PLS3: variants seen among roughly 807,000 people sequenced by gnomAD.
PLS3 encodes the protein plastin 3, also known as plastin-3.
Under a neutral mutation model 46.5 loss-of-function variants are expected in PLS3, and 11 were observed. The ratio of observed to expected loss-of-function variants is 0.24; its 90% CI spans 0.15 to 0.39. PLS3 has a LOEUF of 0.39. Among genes scored for constraint, PLS3 ranks in the 10% least tolerant of loss-of-function variants. The pLI, the probability that PLS3 is intolerant of heterozygous loss-of-function variation, is 1.00. For missense variants in PLS3, 308 were observed against 461.8 expected, an observed-to-expected ratio of 0.67 and a Z score of 3.05; for synonymous variants, 167 against 162.2, an observed-to-expected ratio of 1.03 and a Z score of -0.22.
chrX:115,603,308 G>C (rs1222687918), intron 1 of PLS3, among the ~76,000 whole-genome samples: 1 of 110,905 alleles, frequency 9.0e-6, no homozygotes, highest in Non-Finnish European at 1.9e-5. Context: ...GGTTTTGTTT[G>C]CTTTTGTTTT....
chrX:115,561,880 C>G (rs1433779658), intron 1 of PLS3, among the ~76,000 whole-genome samples: 3 of 111,587 alleles, frequency 2.7e-5, no homozygotes, highest in African/African-American at 9.8e-5. Context: ...CTCCCTTGTC[C>G]TTAGCGAGGG....
intron 1 of PLS3, among the ~76,000 whole-genome samples, chrX:115,594,205 C>T (rs2074365880): frequency 9.0e-6 from 1 of 111,570 alleles, no homozygotes; most frequent in Non-Finnish European, 1.9e-5. Flanking sequence ...ATTTTGATGG[C>T]GTTATTGGTA....
chrX:115,640,992 C>T (rs2074889115), intron 9 of PLS3, among the ~76,000 whole-genome samples: 1 of 110,846 alleles, frequency 9.0e-6, no homozygotes, highest in Non-Finnish European at 1.9e-5. Context: ...GGTTATGTCA[C>T]TAATTTGTTT....
chrX:115,631,214 C>T (rs1556639376), intron 5 of PLS3, among the ~76,000 whole-genome samples: 2 of 101,454 alleles, frequency 2.0e-5, no homozygotes, highest in African/African-American at 8.0e-5. Flanking sequence ...CACCACCACA[C>T]CCGGCTAAAT....
chrX:115,630,866 C>A (rs1404240985), intron 5 of PLS3, among the ~76,000 whole-genome samples: 1 of 89,509 alleles, frequency 1.1e-5, no homozygotes, highest in African/African-American at 4.2e-5. Context: ...GTATATTATA[C>A]ATGTATATAT....
chrX:115,585,992 ATT>A (rs782430699), intron 1 of PLS3, among the ~76,000 whole-genome samples: 1 of 103,207 alleles, frequency 9.7e-6, no homozygotes. Flanking sequence ...GAAAAATCTA[ATT>A]TTTTTTTTTT....
intron 1 of PLS3, among the ~76,000 whole-genome samples, chrX:115,603,731 C>T (rs144485825): frequency 0.016 from 1,756 of 110,703 alleles, 33 homozygotes; most frequent in African/African-American, 0.054. Flanking sequence ...GCTGAGATTG[C>T]ACCACTGCCT....
At chrX:115,574,688 T>G (rs1556630999) in intron 1 of PLS3, among the ~76,000 whole-genome samples, 1 of 111,007 alleles carries the variant, frequency 9.0e-6, no homozygotes, top group Non-Finnish European at 1.9e-5. Context: ...CAAGCGATTC[T>G]CCTGCCTCAG....
intron 8 of PLS3, 52 bp from the exon 9 acceptor site, chrX:115,640,356 T>C (rs2074882536): frequency 1.2e-6 from 1 of 808,273 alleles, no homozygotes; most frequent in Admixed American, 2.2e-5. Flanking sequence ...GACAATAGGA[T>C]ACATTCATTC....
chrX:115,605,931 A>G (rs1017012803), intron 1 of PLS3, among the ~76,000 whole-genome samples: 1 of 110,186 alleles, frequency 9.1e-6, no homozygotes, highest in Non-Finnish European at 1.9e-5. Context: ...TTTGCTTCGC[A>G]GATTGTAAAT....
intron 1 of PLS3, among the ~76,000 whole-genome samples, chrX:115,574,874 C>T (rs1393949708): frequency 3.6e-5 from 4 of 112,195 alleles, no homozygotes; most frequent in Non-Finnish European, 5.6e-5. Context: ...CCACCGCGCC[C>T]GGCCCCATAC....
At chrX:115,624,116 C>G (rs1325771094) in intron 3 of PLS3, among the ~76,000 whole-genome samples, 3 of 107,988 alleles carry the variant, frequency 2.8e-5, no homozygotes, top group African/African-American at 1.0e-4. Flanking sequence ...GTAATCCCAG[C>G]TACTCGGGAG....
intron 1 of PLS3, among the ~76,000 whole-genome samples, chrX:115,570,006 G>A (rs1395670322): frequency 1.8e-5 from 2 of 110,214 alleles, no homozygotes; most frequent in African/African-American, 6.6e-5. Context: ...GCACAATCTC[G>A]GCTCACTGCA....
rs782307873 is a variant in PLS3, at chrX:115,631,946, G to A, written c.500+1979G>A. The stretch of plus-strand genomic sequence containing the variant: ...AGCCTCCCGAGTAGCTGGGACTACA[G>A]GTGCTCACCACCGCACCCAGCTAAT... On this transcript the variant is annotated intron_variant, in intron 5 of 15. Transcript: ENST00000355899. Among the ~76,000 whole-genome samples the A allele has an allele frequency of 1.5e-4, 17 of 110,027 alleles. No individual in the cohort carries two copies. The South Asian group carries it at 4.4e-3, about 28-fold the overall frequency.
chrX:115,561,723 G>A (rs185076039), intron 1 of PLS3, among the ~76,000 whole-genome samples: 1 of 110,110 alleles, frequency 9.1e-6, no homozygotes, highest in African/African-American at 3.3e-5. Context: ...AGGAAATCCC[G>A]GAGCCAGCAG....
chrX:115,578,691 C>CAAAAAAAAA (rs373605509), intron 1 of PLS3, among the ~76,000 whole-genome samples: 13 of 26,926 alleles, frequency 4.8e-4, no homozygotes, highest in Non-Finnish European at 5.5e-4. Flanking sequence ...CGCCACTGCA[C>CAAAAAAAAA]AAAAAAAAAA....
chrX:115,574,099 ACCAC>A (rs2147419871), intron 1 of PLS3, among the ~76,000 whole-genome samples: 1 of 111,788 alleles, frequency 8.9e-6, no homozygotes, highest in Non-Finnish European at 1.9e-5. Flanking sequence ...ATGTACTGTG[ACCAC>A]TGTATATGGT....
chrX:115,601,037 C>A (rs1207956150), intron 1 of PLS3, among the ~76,000 whole-genome samples: 3 of 111,357 alleles, frequency 2.7e-5, no homozygotes, highest in African/African-American at 9.8e-5. Flanking sequence ...AATAGAAACA[C>A]AGTTCTGTGA....
intron 3 of PLS3, among the ~76,000 whole-genome samples, chrX:115,625,519 G>C (rs1257111478): frequency 9.2e-6 from 1 of 108,937 alleles, no homozygotes; most frequent in Non-Finnish European, 1.9e-5. Flanking sequence ...CAGCAGAGAA[G>C]TAAGCTGCCC....
Sources: gnomAD v4.1 joint callset for allele counts (sites outside exome capture counted in the v4.1 genomes callset) on GRCh38, gnomAD v4.1.1 for gene constraint, MANE v1.5 for transcripts, NCBI Gene and HGNC (gene_info 2026-07-23, HGNC 2026-07-21) for gene names.